Variants in TTC39A observed in about 807,000 individuals in gnomAD.
TTC39A encodes the protein tetratricopeptide repeat protein 39A.
TTC39A carries 46 observed loss-of-function variants against 82.3 expected under a neutral mutation model. The ratio of observed to expected loss-of-function variants is 0.56; its 90% CI spans 0.44 to 0.71. The LOEUF is 0.71. TTC39A is among the 30% of genes least tolerant of loss of function. The probability of loss-of-function intolerance (pLI) is 0.00; values close to 1 mark genes in which losing one functional copy is unlikely to be tolerated. For missense variants in TTC39A, 543 were observed against 712.9 expected (o/e 0.76, Z 2.71); for synonymous variants, 254 against 275.2 (o/e 0.92, Z 0.76).
chr1:51,309,806 G>A (rs1210934354), intron 5 of TTC39A, among the ~76,000 whole-genome samples: 1 of 152,112 alleles, frequency 6.6e-6, no homozygotes, highest in Non-Finnish European at 1.5e-5. Context: ...CAGCCCAAAT[G>A]GCCACCAGCA....
rs142160474 is a variant in TTC39A, at chr1:51,306,378, T to C, written c.489-302A>G. 1.8e-3 allele frequency among the ~76,000 whole-genome samples: 276 copies of C among 152,312 alleles called. 15 individuals are homozygous for C. The East Asian group carries it at 0.042, about 23-fold the overall frequency. ...TTTCTCAGCCTCCGCGCTACTGACA[T>C]TTTGGGCTGGATAATTCTTTGTTGG... On this transcript the variant is annotated intron_variant, in intron 6 of 17. Coordinates refer to ENST00000680483, the MANE Select transcript of TTC39A (RefSeq NM_001297663.2).
chr1:51,306,853 A>ACCCCCCCCCCCCC (rs3068549), intron 6 of TTC39A, among the ~76,000 whole-genome samples: 119 of 60,166 alleles, frequency 2.0e-3, no homozygotes, highest in Non-Finnish European at 2.4e-3. Flanking sequence ...TAAGGGACAG[A>ACCCCCCCCCCCCC]CCCCCCCCCC....
intron 1 of TTC39A, among the ~76,000 whole-genome samples, chr1:51,344,568 C>T (rs1646074001): frequency 6.6e-6 from 1 of 152,194 alleles, no homozygotes; most frequent in South Asian, 2.1e-4. Context: ...CACACAGAGC[C>T]CTGGCTTCAT....
chr1:51,305,228 T>C (rs1644826083), intron 7 of TTC39A, 82 bp from the exon 8 acceptor site: 5 of 1,394,412 alleles, frequency 3.6e-6, no homozygotes, highest in Non-Finnish European at 5.1e-6. Context: ...TCTAGCTCTT[T>C]AACAGGCTTT....
chr1:51,341,716 C>A (rs1557752437), intron 1 of TTC39A, among the ~76,000 whole-genome samples: 3 of 151,744 alleles, frequency 2.0e-5, no homozygotes, highest in African/African-American at 7.3e-5. Context: ...CACACACACA[C>A]ACAAAAAAAA....
intron 1 of TTC39A, among the ~76,000 whole-genome samples, chr1:51,343,703 T>C (rs1646063781): frequency 6.6e-6 from 1 of 152,202 alleles, no homozygotes; most frequent in Non-Finnish European, 1.5e-5. Context: ...ACACAAGTGC[T>C]CAACAATGTG....
chr1:51,331,703 C>T (rs1474281752), upstream of TTC39A: 3 of 985,282 alleles, frequency 3.0e-6, no homozygotes, highest in Admixed American at 6.1e-5. Flanking sequence ...GGCAGATGCT[C>T]ACTTGCAAGA....
At chr1:51,293,725 A>AATT (rs1262299297) in intron 14 of TTC39A, among the ~76,000 whole-genome samples, 4 of 152,214 alleles carry the variant, frequency 2.6e-5, no homozygotes, top group African/African-American at 9.6e-5. Context: ...TCGTGCATAG[A>AATT]ATTAGCATCA....
At chr1:51,331,019 G>A, upstream of TTC39A, 2 of 733,634 alleles carry the variant, frequency 2.7e-6, no homozygotes, top group South Asian at 1.5e-5. Context: ...AGACCAGAAG[G>A]CGGGGAAAAC....
intron 2 of TTC39A, among the ~76,000 whole-genome samples, chr1:51,319,647 T>C (rs1038232273): frequency 6.6e-6 from 1 of 151,994 alleles, no homozygotes; most frequent in African/African-American, 2.4e-5. Context: ...GGGAAAAAAA[T>C]ATATTTATGC....
intron 8 of TTC39A, 106 bp from the exon 9 acceptor site, chr1:51,303,298 T>TGGA: frequency 1.6e-5 from 15 of 966,404 alleles, no homozygotes; most frequent in South Asian, 8.1e-5. Flanking sequence ...GGAAGAGCAC[T>TGGA]GGAACCCTGG....
chr1:51,331,843 G>A (rs1172362168), upstream of TTC39A: 3 of 983,342 alleles, frequency 3.1e-6, no homozygotes, highest in Non-Finnish European at 1.2e-6. Flanking sequence ...GAGCTTCCTG[G>A]AAGAGGTGGT....
At chr1:51,331,982 C>G (rs1645918027), upstream of TTC39A, 2 of 234,936 alleles carry the variant, frequency 8.5e-6, no homozygotes, top group African/African-American at 2.3e-5. Flanking sequence ...AGACCACAAG[C>G]AATACATGTA....
In TTC39A at chr1:51,290,598, C is replaced by A. The variant is rs1443800585; in HGVS notation, c.1294G>T (p.Ala432Ser). 6.2e-7 allele frequency: 1 copy of A among 1,613,722 alleles called. No individual in the cohort carries two copies. Among genetic ancestry groups the A allele is most frequent in the Admixed American group, 1.7e-5 (1 of 60,002 alleles). ...AGTTTCGGCTGCTTCCCAATCACGG[C>A]GTAGCCGTTCCAGATGTACATCATT... ...LEMMYIWNGY[A>S]VIGKQPKLTD... The change falls in exon 15 of 18, where the codon GCC becomes TCC. Residue 432 changes from alanine to serine, a missense_variant. Ala to Ser is a moderately conservative substitution (Grantham distance 99). Transcript: ENST00000680483.
At chr1:51,308,238 AC>A (rs957207902) in intron 6 of TTC39A, among the ~76,000 whole-genome samples, 1 of 137,148 alleles carries the variant, frequency 7.3e-6, no homozygotes, top group African/African-American at 2.7e-5. Flanking sequence ...TCTTGCCGCC[AC>A]CCCCCCTTTT....
intron 1 of TTC39A, among the ~76,000 whole-genome samples, chr1:51,329,367 T>G (rs1258654942): frequency 6.6e-6 from 1 of 152,210 alleles, no homozygotes; most frequent in East Asian, 1.9e-4. Flanking sequence ...CTTCTGTGTT[T>G]TCCAAAGGAG....
At position 51,321,858 on chromosome 1, in the gene TTC39A, G is replaced by GA. The variant is rs1467638594; in HGVS notation, c.42-34_42-33insT. On this transcript the variant is annotated intron_variant, in intron 1 of 17. Transcript: ENST00000680483. The surrounding 1 kb of genome is among the most constrained non-coding windows in gnomAD (Gnocchi z 4.6). ...AAGAGATGCGGGGCATGACACAGGG[G>GA]CCCTCCAACCCTCCAGCCTCTCCTG... 5 of 1,579,610 alleles carry GA rather than the reference G, an allele frequency of 3.2e-6. No individual in the cohort carries two copies. The highest frequency in any genetic ancestry group is 4.3e-6 in the Non-Finnish European group (5 of 1,155,952).
rs952023466 is a variant in TTC39A at position 51,330,228 on chromosome 1, C to A, written c.41+209G>T. On this transcript the variant is annotated intron_variant, in intron 1 of 17. Transcript: ENST00000680483. The surrounding 1 kb of genome is among the most constrained non-coding windows in gnomAD (Gnocchi z 4.5). The stretch of plus-strand genomic sequence containing the variant: ...GGACCCAGAAGGTGAGTGACCGACC[C>A]GGGGTCCCCGCGCCTCCGCCTCCTC... 5.0e-5 allele frequency: 49 copies of A among 984,986 alleles called. No individual in the cohort carries two copies. The highest frequency in any genetic ancestry group is 5.8e-5 in the Non-Finnish European group (48 of 829,724). The allele number at this position is 984,986 out of a possible 1,614,324, so 61.0% of individuals were successfully genotyped here. A position where few individuals can be genotyped will look rare whatever the true frequency, so the allele number is the denominator to read the frequency against.
intron 2 of TTC39A, among the ~76,000 whole-genome samples, chr1:51,315,881 C>T (rs182243799): frequency 5.3e-5 from 8 of 152,334 alleles, no homozygotes; most frequent in African/African-American, 1.7e-4. Flanking sequence ...GGCAGCTTCA[C>T]GGGTGTGTGG....
Sources: gnomAD v4.1 joint callset for allele counts (sites outside exome capture counted in the v4.1 genomes callset) on GRCh38, gnomAD v4.1.1 for gene constraint, Gnocchi (gnomAD v3.1) non-coding constraint, MANE v1.5 for transcripts, NCBI Gene and HGNC (gene_info 2026-07-23, HGNC 2026-07-21) for gene names.